The following QTGAL variants were observed in gnomAD, a reference collection of about 807,000 sequenced individuals.
QTGAL encodes the protein queuosine-tRNA galactosyltransferase, also known as BGnT-like protein 1.
At chr17:82,993,511 T>C in the QTGAL span, among the ~76,000 whole-genome samples, 1 of 152,064 alleles carries the variant, frequency 6.6e-6, no homozygotes, top group Non-Finnish European at 1.5e-5. Flanking sequence ...AGACCCTCAA[T>C]ATAATAACAT....
chr17:82,986,650 C>T, the QTGAL span, among the ~76,000 whole-genome samples: 1 of 152,216 alleles, frequency 6.6e-6, no homozygotes, highest in African/African-American at 2.4e-5. Flanking sequence ...ATCAAGGAAC[C>T]CTGATCACTG....
At chr17:82,945,620 G>A in the QTGAL span, 5 of 152,260 alleles carry the variant, frequency 3.3e-5, no homozygotes, top group East Asian at 9.6e-4. Context: ...ATTCTTATCT[G>A]TTTGGTTTTT....
At chr17:83,032,910 C>G in the QTGAL span, among the ~76,000 whole-genome samples, 2 of 152,302 alleles carry the variant, frequency 1.3e-5, no homozygotes, top group South Asian at 2.1e-4. Flanking sequence ...TCCCAAACTT[C>G]CACATGTACC....
the QTGAL span, among the ~76,000 whole-genome samples, chr17:83,046,330 T>A: frequency 6.6e-6 from 1 of 151,966 alleles, no homozygotes; most frequent in Non-Finnish European, 1.5e-5. Flanking sequence ...AGAGATGGGG[T>A]TTCACCATGT....
the QTGAL span, among the ~76,000 whole-genome samples, chr17:82,979,015 A>G: frequency 1.3e-5 from 2 of 152,222 alleles, no homozygotes; most frequent in African/African-American, 4.8e-5. Flanking sequence ...ACATGCTTAC[A>G]TTAAAAGAGA....
At chr17:82,965,807 C>T in the QTGAL span, 1 of 1,460,934 alleles carries the variant, frequency 6.8e-7, no homozygotes, top group South Asian at 1.2e-5. Context: ...AAACAACCTG[C>T]AGTTTATTTC....
At chr17:83,030,026 TAC>T in the QTGAL span, among the ~76,000 whole-genome samples, 1 of 152,172 alleles carries the variant, frequency 6.6e-6, no homozygotes, top group Non-Finnish European at 1.5e-5. Context: ...CGAAAACAGG[TAC>T]AGTTATAATC....
chr17:83,025,649 GA>G, the QTGAL span, among the ~76,000 whole-genome samples: 1 of 144,458 alleles, frequency 6.9e-6, no homozygotes, highest in Non-Finnish European at 1.5e-5. Flanking sequence ...ACACCGCGGA[GA>G]GTCCACACAC....
the QTGAL span, among the ~76,000 whole-genome samples, chr17:83,019,322 T>TA: frequency 6.6e-6 from 1 of 151,936 alleles, no homozygotes; most frequent in Admixed American, 6.6e-5. Context: ...GGCTTATAAG[T>TA]AAAAACAGAC....
At chr17:82,956,709 T>C in the QTGAL span, 1 of 1,585,030 alleles carries the variant, frequency 6.3e-7, no homozygotes, top group South Asian at 1.2e-5. This position sits in a 1 kb window ranked among gnomAD's most constrained non-coding sequence, Gnocchi z 5.7. Flanking sequence ...TTCACGCAGA[T>C]GACGAAGGGT....
At chr17:82,963,225 A>G in the QTGAL span, among the ~76,000 whole-genome samples, 28 of 152,210 alleles carry the variant, frequency 1.8e-4, no homozygotes, top group African/African-American at 6.5e-4. Context: ...AGGCCGGGCC[A>G]GAGGCTGTGG....
At chr17:82,999,581 T>C in the QTGAL span, among the ~76,000 whole-genome samples, 5 of 152,262 alleles carry the variant, frequency 3.3e-5, no homozygotes, top group South Asian at 8.3e-4. Flanking sequence ...TTGTATGTTA[T>C]ATGTACTATA....
At chr17:83,040,169 G>A in the QTGAL span, among the ~76,000 whole-genome samples, 1 of 152,100 alleles carries the variant, frequency 6.6e-6, no homozygotes, top group East Asian at 1.9e-4. Flanking sequence ...CTGCACCCCA[G>A]ACCAATTACA....
At chr17:83,049,070 G>T in the QTGAL span, 29 of 336,680 alleles carry the variant, frequency 8.6e-5, no homozygotes, top group Non-Finnish European at 1.5e-4. Context: ...TGGCTAACAT[G>T]GTGAAACCCC....
the QTGAL span, among the ~76,000 whole-genome samples, chr17:83,022,215 T>C: frequency 6.6e-6 from 1 of 152,244 alleles, no homozygotes; most frequent in East Asian, 1.9e-4. Flanking sequence ...AATTTAAAAC[T>C]TCTGTTCATC....
the QTGAL span, among the ~76,000 whole-genome samples, chr17:83,037,104 G>A: frequency 2.0e-5 from 3 of 152,228 alleles, no homozygotes; most frequent in African/African-American, 7.2e-5. This position sits in a 1 kb window ranked among gnomAD's most constrained non-coding sequence, Gnocchi z 5.2. Flanking sequence ...GACGTGTGCA[G>A]AATTAAGCAA....
chr17:83,000,003 C>T, the QTGAL span, among the ~76,000 whole-genome samples: 1 of 152,138 alleles, frequency 6.6e-6, no homozygotes, highest in Non-Finnish European at 1.5e-5. Context: ...CGCTCTGTCG[C>T]CCAGGCTAGA....
At chr17:83,007,300 A>G in the QTGAL span, 7 of 984,416 alleles carry the variant, frequency 7.1e-6, no homozygotes, top group African/African-American at 1.7e-5. Flanking sequence ...TTTTCCCCAC[A>G]CCCAATCTGA....
chr17:82,988,702 A>G, the QTGAL span, among the ~76,000 whole-genome samples: 2 of 152,246 alleles, frequency 1.3e-5, no homozygotes, highest in African/African-American at 4.8e-5. Context: ...GGACATGAAC[A>G]GACACTTCTC....
Sources: gnomAD v4.1 joint callset for allele counts (sites outside exome capture counted in the v4.1 genomes callset) on GRCh38, gnomAD v4.1.1 for gene constraint, Gnocchi (gnomAD v3.1) non-coding constraint, MANE v1.5 for transcripts, NCBI Gene and HGNC (gene_info 2026-07-23, HGNC 2026-07-21) for gene names.